The following SDK1 variants were observed in gnomAD, a reference collection of about 807,000 sequenced individuals.
The protein encoded by SDK1 is protein sidekick-1.
In SDK1, 157 loss-of-function variants were observed where a neutral mutation model predicts 245.5. That is an observed-to-expected ratio of 0.64 (90% CI 0.56 to 0.73). SDK1 has a LOEUF of 0.73. Among genes scored for constraint, SDK1 ranks in the 30% least tolerant of loss-of-function variants. SDK1 has a pLI of 0.00. For synonymous variants in SDK1, 1,647 were observed against 1,278.5 expected, an observed-to-expected ratio of 1.29 and a Z score of -6.15; for missense variants, 3,583 against 3,002.3, an observed-to-expected ratio of 1.19 and a Z score of -4.52.
chr7:3,406,631 A>G lies in SDK1; in HGVS notation c.298+104747A>G, dbSNP rs561332189. Reference sequence around the variant, plus strand: ...AACACTTAGTTTTATCATCCAGACCAGGGCACTAAACGAGAATAAACCAAC... The same window carrying G: ...AACACTTAGTTTTATCATCCAGACCGGGGCACTAAACGAGAATAAACCAAC... On this transcript the variant is annotated intron_variant, in intron 1 of 44. Coordinates refer to ENST00000404826, the MANE Select transcript of SDK1 (RefSeq NM_152744.4). 7.7e-4 allele frequency among the ~76,000 whole-genome samples: 117 copies of G among 152,300 alleles called. 1 individual carries two copies. The highest frequency in any genetic ancestry group is 2.6e-3 in the African/African-American group (109 of 41,552).
chr7:4,125,669 C>G (rs77121005), intron 25 of SDK1, among the ~76,000 whole-genome samples: 5,768 of 152,284 alleles, frequency 0.038, 273 homozygotes, highest in African/African-American at 0.11. Context: ...GATGCTTCTA[C>G]TCACCTCTGT....
intron 1 of SDK1, among the ~76,000 whole-genome samples, chr7:3,466,149 C>T (rs1195821269): frequency 4.0e-5 from 6 of 151,754 alleles, no homozygotes; most frequent in African/African-American, 1.2e-4. Context: ...CAGCCATGAC[C>T]GAGCACCTGA....
intron 35 of SDK1, among the ~76,000 whole-genome samples, chr7:4,203,884 C>A (rs1340883402): frequency 6.6e-6 from 1 of 152,270 alleles, no homozygotes; most frequent in East Asian, 1.9e-4. Flanking sequence ...TGTAGCATTG[C>A]TGGTAGGCAC....
chr7:3,766,711 T>C (rs984817582), intron 4 of SDK1, among the ~76,000 whole-genome samples: 1 of 152,244 alleles, frequency 6.6e-6, no homozygotes, highest in Non-Finnish European at 1.5e-5. Context: ...ATATTAATAC[T>C]AGCTGTTACA....
intron 22 of SDK1, among the ~76,000 whole-genome samples, chr7:4,107,291 T>C (rs954973632): frequency 6.6e-6 from 1 of 151,812 alleles, no homozygotes; most frequent in South Asian, 2.1e-4. Flanking sequence ...CCCTCACACA[T>C]GCACAGACCA....
chr7:3,951,152 T>G (rs2128125214), intron 6 of SDK1, 118 bp downstream of exon 6: 1 of 753,900 alleles, frequency 1.3e-6, no homozygotes, highest in Non-Finnish European at 2.3e-6. Context: ...TGGTCTTGTT[T>G]GGCCGGGTGG....
At chr7:3,794,453 G>A (rs1444594616) in intron 4 of SDK1, among the ~76,000 whole-genome samples, 1 of 152,204 alleles carries the variant, frequency 6.6e-6, no homozygotes, top group Admixed American at 6.5e-5. Context: ...AATCCCCAAT[G>A]TGGCAGTATT....
In SDK1 at chr7:3,430,987, G is replaced by A. The variant is rs1217370833; in HGVS notation, c.298+129103G>A. ...TAGATCTTGGCTTACTGCAACCTCC[G>A]CCTCTCGGGTTCAAGTGATTCTTCT... On this transcript the variant is annotated intron_variant, in intron 1 of 44. Transcript: ENST00000404826. 3.3e-5 allele frequency among the ~76,000 whole-genome samples: 5 copies of A among 152,268 alleles called. No homozygotes were observed. The East Asian group carries it at 7.7e-4, about 24-fold the overall frequency.
rs778156687 is a variant in SDK1 at position 4,113,334 on chromosome 7, T to C, written c.3480T>C (p.Ser1160=). The part of the protein sequence containing the change: ...QVNIVGPSPY[S]PSSRVIQTLQ... ...ACATTGTTGGGCCGAGCCCCTACAG[T>C]CCGTCTTCCCGGGTCATCCAGACCC... Residue 1160 remains serine (S), a synonymous_variant, in exon 24 of 45, where the codon AGT becomes AGC. Transcript: ENST00000404826. 4.3e-5 allele frequency: 70 copies of C among 1,613,920 alleles called. No individual in the cohort carries two copies. The Admixed American group carries it at 1.2e-3, about 27-fold the overall frequency.
chr7:4,208,753 G>C (rs1784370459), intron 37 of SDK1, among the ~76,000 whole-genome samples: 2 of 152,194 alleles, frequency 1.3e-5, no homozygotes, highest in African/African-American at 4.8e-5. Flanking sequence ...GACCACCCCT[G>C]GAGACTGCTC....
chr7:3,469,582 T>C (rs1233575169), intron 1 of SDK1, among the ~76,000 whole-genome samples: 1 of 152,222 alleles, frequency 6.6e-6, no homozygotes, highest in Admixed American at 6.5e-5. Context: ...TAGGTTGTTT[T>C]TGCAAAGAAA....
chr7:3,913,540 G>A lies in SDK1; in HGVS notation c.848-37383G>A, dbSNP rs77427264. 4.3e-3 allele frequency among the ~76,000 whole-genome samples: 650 copies of A among 151,960 alleles called. 16 individuals are homozygous for A. Among genetic ancestry groups the A allele is most frequent in the Admixed American group, 0.039 (602 of 15,264 alleles). On this transcript the variant is annotated intron_variant, in intron 5 of 44. Coordinates refer to ENST00000404826, the MANE Select transcript of SDK1 (RefSeq NM_152744.4). Reference sequence around the variant, plus strand: ...GATCTCCTGACGTCGTGATCCACCCGCCTCGGCCTCCCAAAGTGCTGACAT... The same window carrying A: ...GATCTCCTGACGTCGTGATCCACCCACCTCGGCCTCCCAAAGTGCTGACAT...
intron 5 of SDK1, among the ~76,000 whole-genome samples, chr7:3,896,187 C>G (rs1214782499): frequency 6.6e-6 from 1 of 152,198 alleles, no homozygotes; most frequent in East Asian, 1.9e-4. Context: ...TATATTTACT[C>G]ACATATTGAC....
chr7:3,787,113 A>C (rs543918232), intron 4 of SDK1, among the ~76,000 whole-genome samples: 2 of 150,754 alleles, frequency 1.3e-5, no homozygotes, highest in East Asian at 3.9e-4. Flanking sequence ...TGTCACTAAA[A>C]TTCTTTATTC....
intron 17 of SDK1, among the ~76,000 whole-genome samples, chr7:4,035,728 C>G (rs1056888266): frequency 6.6e-6 from 1 of 152,156 alleles, no homozygotes; most frequent in Non-Finnish European, 1.5e-5. Flanking sequence ...TGGATAAACA[C>G]ATGATTGCAG....
intron 5 of SDK1, among the ~76,000 whole-genome samples, chr7:3,849,482 T>C (rs1346293868): frequency 1.3e-5 from 2 of 152,188 alleles, no homozygotes; most frequent in Non-Finnish European, 1.5e-5. Flanking sequence ...GATTTATTAG[T>C]CTTTAGGAAG....
At chr7:3,570,803 G>A (rs1236623865) in intron 1 of SDK1, among the ~76,000 whole-genome samples, 1 of 152,004 alleles carries the variant, frequency 6.6e-6, no homozygotes, top group Admixed American at 6.6e-5. Context: ...CTCTCTTTTA[G>A]CACAAATTAA....
At chr7:4,106,997 T>C (rs1782967278) in intron 22 of SDK1, among the ~76,000 whole-genome samples, 1 of 151,814 alleles carries the variant, frequency 6.6e-6, no homozygotes, top group Admixed American at 6.6e-5. Context: ...AATCCATACA[T>C]GCCGAGCATC....
chr7:3,864,744 C>T (rs557035036), intron 5 of SDK1, among the ~76,000 whole-genome samples: 3 of 152,238 alleles, frequency 2.0e-5, no homozygotes, highest in African/African-American at 7.2e-5. Context: ...AGGGAATACA[C>T]CCTGTTTATT....
Sources: allele counts gnomAD v4.1 joint callset (sites outside exome capture counted in the v4.1 genomes callset), GRCh38; gene constraint gnomAD v4.1.1; transcripts MANE v1.5; gene names NCBI Gene and HGNC (gene_info 2026-07-23, HGNC 2026-07-21).